Variants in BCL2L14 observed in about 807,000 individuals in gnomAD.
BCL2L14 encodes apoptosis facilitator Bcl-2-like protein 14.
In BCL2L14, 27 loss-of-function variants were observed where a neutral mutation model predicts 35.3. The observed-to-expected ratio is 0.76, with a 90% CI of 0.56 to 1.05. The LOEUF (loss-of-function observed/expected upper bound fraction) is 1.05, where lower values mean the gene tolerates loss of function less well. Ranked by LOEUF, BCL2L14 falls within the 50% of genes least tolerant of loss-of-function variation. The probability of loss-of-function intolerance (pLI) is 0.00; values close to 1 mark genes in which losing one functional copy is unlikely to be tolerated. For synonymous variants in BCL2L14, 139 were observed against 145.9 expected (o/e 0.95, Z 0.34); for missense variants, 377 against 382.6 (o/e 0.99, Z 0.12).
intron 1 of BCL2L14, among the ~76,000 whole-genome samples, chr12:12,050,215 G>GTTCA (rs1948327190): frequency 6.6e-6 from 1 of 152,074 alleles, no homozygotes; most frequent in South Asian, 2.1e-4. Flanking sequence ...AGGAGGTGGG[G>GTTCA]TTCAATAGGA....
chr12:12,081,421 C>G (rs1948921207), intron 2 of BCL2L14, among the ~76,000 whole-genome samples: 1 of 150,848 alleles, frequency 6.6e-6, no homozygotes, highest in Non-Finnish European at 1.5e-5. Flanking sequence ...CATCACTGCA[C>G]CCCAGCTCTG....
At chr12:12,085,379 AAGAT>A (rs1262250421) in intron 2 of BCL2L14, among the ~76,000 whole-genome samples, 1 of 152,212 alleles carries the variant, frequency 6.6e-6, no homozygotes, top group Non-Finnish European at 1.5e-5. Context: ...TTGGCTTTGG[AAGAT>A]AGCCTCTTGC....
At chr12:12,092,866 C>G (rs975398161) in intron 4 of BCL2L14, among the ~76,000 whole-genome samples, 7 of 152,150 alleles carry the variant, frequency 4.6e-5, no homozygotes, top group African/African-American at 1.4e-4. Flanking sequence ...CCCCAGATAT[C>G]CCTTTTAGAA....
Position 12,079,500 on chromosome 12 carries a change from G to T in BCL2L14, c.195G>T (p.Glu65Asp). 6.2e-7 allele frequency: 1 copy of T among 1,614,232 alleles called. No homozygotes were observed. The highest frequency in any genetic ancestry group is 8.5e-7 in the Non-Finnish European group (1 of 1,180,042). The change falls in exon 2 of 6, where the codon GAG becomes GAT. Residue 65 changes from glutamate (E) to aspartate (D), a missense_variant. Transcript: ENST00000308721. ...GCCTGGGGAATTGTTCAGCAAATGA[G>T]TCATGGACAGAGGTGTCATGGCCTT... ...QRGLGNCSAN[E>D]SWTEVSWPCR...
chr12:12,061,147 A>T (rs4763765), intron 2 of BCL2L14, among the ~76,000 whole-genome samples: 2 of 125,800 alleles, frequency 1.6e-5, no homozygotes, highest in African/African-American at 3.1e-5. Flanking sequence ...CCCTTATTAG[A>T]CTGAGACACT....
At chr12:12,064,226 C>A (rs1053118824) in intron 2 of BCL2L14, among the ~76,000 whole-genome samples, 3 of 152,136 alleles carry the variant, frequency 2.0e-5, no homozygotes, top group African/African-American at 4.8e-5. Context: ...AACTCCTGGG[C>A]TCAAGTGATC....
intron 1 of BCL2L14, among the ~76,000 whole-genome samples, chr12:12,073,150 C>T (rs1565457104): frequency 6.6e-6 from 1 of 152,222 alleles, no homozygotes; most frequent in Non-Finnish European, 1.5e-5. Context: ...GCTGGGATTA[C>T]AGGCGTGAGC....
intron 2 of BCL2L14, among the ~76,000 whole-genome samples, chr12:12,059,698 T>G (rs1708894387): frequency 6.6e-6 from 1 of 152,114 alleles, no homozygotes; most frequent in South Asian, 2.1e-4. Flanking sequence ...TTCCTCCTTC[T>G]TCTTCCTTAG....
chr12:12,079,867 CT>C, intron 2 of BCL2L14, 129 bp downstream of exon 2: 1 of 933,880 alleles, frequency 1.1e-6, no homozygotes, highest in Non-Finnish European at 1.6e-6. Context: ...AGCTTTCCAA[CT>C]TATTAGTGTT....
At chr12:12,067,931 C>A (rs567006605), upstream of BCL2L14, among the ~76,000 whole-genome samples, 10 of 151,676 alleles carry the variant, frequency 6.6e-5, no homozygotes, top group East Asian at 1.9e-3. Flanking sequence ...TTACCAAAAC[C>A]TTTCAGGACT....
chr12:12,065,056 G>A (rs1377294586), intron 2 of BCL2L14, among the ~76,000 whole-genome samples: 1 of 152,158 alleles, frequency 6.6e-6, no homozygotes, highest in African/African-American at 2.4e-5. Context: ...ACCCTCCTAG[G>A]TTTTTTGGCT....
chr12:12,058,248 A>T (rs11054651), intron 2 of BCL2L14, among the ~76,000 whole-genome samples: 1 of 144,232 alleles, frequency 6.9e-6, no homozygotes, highest in Non-Finnish European at 1.5e-5. Flanking sequence ...CATTGTGCCC[A>T]GACTCTTTTT....
At chr12:12,097,352 G>A (rs2448029) in intron 5 of BCL2L14, among the ~76,000 whole-genome samples, 38,483 of 152,082 alleles carry the variant, frequency 0.25, 5,031 homozygotes, top group East Asian at 0.37. Flanking sequence ...ACAATGGAAT[G>A]TTATTCCACT....
upstream of BCL2L14, among the ~76,000 whole-genome samples, chr12:12,067,831 C>T (rs1820501903): frequency 6.6e-6 from 1 of 152,152 alleles, no homozygotes; most frequent in Admixed American, 6.5e-5. Context: ...ACTTGTTAGG[C>T]GTGGAGATAA....
rs1337943633 is a variant in BCL2L14, at chr12:12,094,751, G to C, written c.766G>C (p.Gly256Arg). 1.2e-6 allele frequency: 2 copies of C among 1,614,162 alleles called. No homozygotes were observed. The highest frequency in any genetic ancestry group is 2.7e-5 in the African/African-American group (2 of 75,036). ...FKTITDQVLM[G>R]VDPRGESEVK... ...GACCATCACAGACCAGGTCCTAATG[G>C]GTGTGGACCCCAGGGGAGAATCAGA... is the stretch of plus-strand genomic sequence containing the variant. Residue 256 changes from glycine to arginine, a missense_variant, in exon 5 of 6, where the codon GGT becomes CGT. By Grantham distance (125) the Gly-to-Arg change is moderately radical (BLOSUM62 -2). Coordinates refer to ENST00000308721, the MANE Select transcript of BCL2L14 (RefSeq NM_138723.2).
upstream of BCL2L14, among the ~76,000 whole-genome samples, chr12:12,066,772 G>A (rs1178691622): frequency 3.3e-5 from 5 of 151,036 alleles, no homozygotes; most frequent in East Asian, 1.9e-4. Context: ...CTGGAGTGGC[G>A]CAATCTCGGC....
chr12:12,099,544 T>G lies in BCL2L14; in HGVS notation c.*556T>G, dbSNP rs1462906190. ...CTGTGCCTTTTTGAAAAACTTCCAT[T>G]TGGTACAAAATTTTTACTCCAACAC... On this transcript the variant is annotated 3_prime_UTR_variant, in exon 6 of 6. Coordinates refer to ENST00000308721, the MANE Select transcript of BCL2L14 (RefSeq NM_138723.2). 6.6e-6 allele frequency: 1 copy of G among 152,224 alleles called. No homozygotes were observed. The highest frequency in any genetic ancestry group is 2.4e-5 in the African/African-American group (1 of 41,398). 9.4% of individuals were successfully genotyped at this position (152,224 alleles called of 1,614,324 possible). A position where few individuals can be genotyped will look rare whatever the true frequency, so the allele number is the denominator to read the frequency against.
chr12:12,062,887 A>G (rs1241526489), intron 2 of BCL2L14, among the ~76,000 whole-genome samples: 7 of 152,222 alleles, frequency 4.6e-5, no homozygotes, highest in Non-Finnish European at 2.9e-5. Context: ...TCTTCAGGAA[A>G]AGTAGAACAG....
At chr12:12,069,103 G>A (rs1727566869), upstream of BCL2L14, among the ~76,000 whole-genome samples, 1 of 152,198 alleles carries the variant, frequency 6.6e-6, no homozygotes, top group African/African-American at 2.4e-5. Context: ...GAGCTGTGAG[G>A]ACGACCGGAG....
Sources: allele counts gnomAD v4.1 joint callset (sites outside exome capture counted in the v4.1 genomes callset), GRCh38; gene constraint gnomAD v4.1.1; transcripts MANE v1.5; gene names NCBI Gene and HGNC (gene_info 2026-07-23, HGNC 2026-07-21).